The following ZFHX3 variants were observed in gnomAD, a reference collection of about 807,000 sequenced individuals.
ZFHX3 encodes zinc finger homeobox protein 3.
ZFHX3 carries 42 observed loss-of-function variants against 279.1 expected under a neutral mutation model. The ratio of observed to expected loss-of-function variants is 0.15; its 90% CI spans 0.12 to 0.19. The LOEUF is 0.19. Among genes scored for constraint, ZFHX3 ranks in the 10% least tolerant of loss-of-function variants. ZFHX3 has a pLI of 1.00. For synonymous variants in ZFHX3, 2,293 were observed against 1,957.8 expected (o/e 1.17, Z -4.52); for missense variants, 4,981 against 4,754.0 (o/e 1.05, Z -1.40).
Position 73,776,239 on chromosome 16 carries a change from CTA to C in ZFHX3, c.-1607-96001_-1607-96000del, listed in dbSNP as rs1287442184. Among the ~76,000 whole-genome samples the C allele has an allele frequency of 3.9e-5, 6 of 152,256 alleles. No individual in the cohort carries two copies. In the South Asian group the frequency reaches 1.2e-3, roughly 32 times the overall value. On this transcript the variant is annotated intron_variant, in intron 1 of 17. Transcript: ENST00000641206. ...AGGCGACTTTCTTTGCACAGCATGT[CTA>C]TGACTGAAGTGTGCAGGGCTAGGAG...
chr16:72,987,370 G>A (rs1257575147), intron 1 of ZFHX3, among the ~76,000 whole-genome samples: 1 of 152,160 alleles, frequency 6.6e-6, no homozygotes, highest in Non-Finnish European at 1.5e-5. Context: ...AAGATGATGT[G>A]GAGGCTGCTT....
chr16:73,026,290 T>A (rs1215340436), intron 1 of ZFHX3, among the ~76,000 whole-genome samples: 1 of 147,866 alleles, frequency 6.8e-6, no homozygotes, highest in Non-Finnish European at 1.5e-5. Flanking sequence ...GGAGAACTGC[T>A]TGAACCCAGG....
At chr16:73,522,633 C>A (rs983078397) in intron 2 of ZFHX3, among the ~76,000 whole-genome samples, 2 of 152,160 alleles carry the variant, frequency 1.3e-5, no homozygotes, top group African/African-American at 4.8e-5. Context: ...GCAAGAGGGC[C>A]TAGGGATCCT....
At chr16:72,867,733 A>C (rs1344409141) in intron 4 of ZFHX3, among the ~76,000 whole-genome samples, 1 of 125,140 alleles carries the variant, frequency 8.0e-6, no homozygotes, top group South Asian at 2.8e-4. Flanking sequence ...GAAAAAAAAA[A>C]AAAGAAGAAG....
intron 5 of ZFHX3, among the ~76,000 whole-genome samples, chr16:73,218,504 C>T (rs78573893): frequency 0.16 from 24,282 of 152,216 alleles, 2,041 homozygotes; most frequent in African/African-American, 0.21. Context: ...TGTGGTGGCT[C>T]ATGCCTGTAA....
intron 1 of ZFHX3, among the ~76,000 whole-genome samples, chr16:73,010,540 G>A (rs548706867): frequency 3.3e-5 from 5 of 152,128 alleles, no homozygotes; most frequent in African/African-American, 4.8e-5. Flanking sequence ...CAGAGAGCCC[G>A]GCACACAGCC....
At chr16:73,076,835 C>T (rs1156525136) in intron 8 of ZFHX3, among the ~76,000 whole-genome samples, 3 of 152,012 alleles carry the variant, frequency 2.0e-5, no homozygotes, top group Non-Finnish European at 4.4e-5. Flanking sequence ...AATGGCTGTG[C>T]GCAGCGGCAT....
At position 73,066,312 on chromosome 16, in the gene ZFHX3, C is replaced by G. The variant is rs566637835; in HGVS notation, c.-532-7300G>C. ...GCAGGCCCCTTCCCTCCCCGCCTCTCGTTCCCAAAACCTTATCATTGAGAA... is the reference window on the plus strand; with the variant it reads ...GCAGGCCCCTTCCCTCCCCGCCTCTGGTTCCCAAAACCTTATCATTGAGAA... On this transcript the variant is annotated intron_variant, in intron 8 of 17. Transcript: ENST00000641206. Among the ~76,000 whole-genome samples, 23 of 152,300 alleles carry G rather than the reference C, an allele frequency of 1.5e-4. No homozygotes were observed. In the South Asian group the frequency reaches 4.4e-3, roughly 29 times the overall value.
At chr16:72,829,744 C>G in intron 5 of ZFHX3, 35 bp downstream of exon 5, 1 of 1,606,698 alleles carries the variant, frequency 6.2e-7, no homozygotes, top group Non-Finnish European at 8.5e-7. Flanking sequence ...GACAGCCACA[C>G]ACACTACCTG....
At chr16:72,874,086 A>G (rs1360186620) in intron 4 of ZFHX3, among the ~76,000 whole-genome samples, 1 of 152,176 alleles carries the variant, frequency 6.6e-6, no homozygotes, top group African/African-American at 2.4e-5. Flanking sequence ...TGTAAGATAA[A>G]GCAAGTGGGC....
intron 1 of ZFHX3, among the ~76,000 whole-genome samples, chr16:73,682,852 GAGAAAGAA>G (rs568576216): frequency 0.011 from 859 of 80,080 alleles, 30 homozygotes; most frequent in Non-Finnish European, 0.015. Context: ...AAAAAAGAAA[GAGAAAGAA>G]AGAAAGAAAG....
intron 5 of ZFHX3, among the ~76,000 whole-genome samples, chr16:73,177,519 G>A (rs1381335216): frequency 6.6e-6 from 1 of 152,154 alleles, no homozygotes; most frequent in East Asian, 1.9e-4. Flanking sequence ...CAAGAACATA[G>A]GTATCCCTAC....
At chr16:73,763,686 T>C (rs1170322924) in intron 1 of ZFHX3, among the ~76,000 whole-genome samples, 1 of 152,088 alleles carries the variant, frequency 6.6e-6, no homozygotes, top group Non-Finnish European at 1.5e-5. Flanking sequence ...TAACAGAATA[T>C]AGCAATGGTG....
At chr16:73,482,085 T>G (rs2018879632) in intron 2 of ZFHX3, among the ~76,000 whole-genome samples, 1 of 151,778 alleles carries the variant, frequency 6.6e-6, no homozygotes, top group South Asian at 2.1e-4. Context: ...CTTAGAGCTG[T>G]GAGAGCCACT....
At chr16:73,850,248 G>A (rs143538231) in intron 1 of ZFHX3, among the ~76,000 whole-genome samples, 37 of 152,270 alleles carry the variant, frequency 2.4e-4, no homozygotes, top group African/African-American at 8.4e-4. Flanking sequence ...ACATGCTGTT[G>A]GGCAGGTTGG....
intron 1 of ZFHX3, among the ~76,000 whole-genome samples, chr16:73,804,924 G>C (rs1328075981): frequency 7.4e-6 from 1 of 134,780 alleles, no homozygotes; most frequent in Non-Finnish European, 1.6e-5. Context: ...GGGAGGGAGA[G>C]GGAGGGAGGG....
At position 73,837,785 on chromosome 16, in the gene ZFHX3, C is replaced by T. The variant is rs527806599; in HGVS notation, c.-1608+53866G>A. Among the ~76,000 whole-genome samples, 7 of 152,262 alleles carry T rather than the reference C, an allele frequency of 4.6e-5. No homozygotes were observed. The East Asian group carries it at 9.7e-4, about 21-fold the overall frequency. On this transcript the variant is annotated intron_variant, in intron 1 of 17. Transcript: ENST00000641206. ...ATGAGTAGCTGGGATTACAGGCATG[C>T]GCCACCACGCCCGGCTAATTTGGTA...
At chr16:73,819,707 G>A (rs1188216823) in intron 1 of ZFHX3, among the ~76,000 whole-genome samples, 5 of 152,134 alleles carry the variant, frequency 3.3e-5, no homozygotes, top group African/African-American at 4.8e-5. Flanking sequence ...AGTAGGATGG[G>A]GGAAAGCAGT....
intron 2 of ZFHX3, among the ~76,000 whole-genome samples, chr16:73,576,494 G>C (rs1159926921): frequency 1.3e-5 from 2 of 152,118 alleles, no homozygotes; most frequent in African/African-American, 4.8e-5. Flanking sequence ...CAAGTATGTG[G>C]ACAGATAATT....
Sources: gnomAD v4.1 joint callset for allele counts (sites outside exome capture counted in the v4.1 genomes callset) on GRCh38, gnomAD v4.1.1 for gene constraint, MANE v1.5 for transcripts, NCBI Gene and HGNC (gene_info 2026-07-23, HGNC 2026-07-21) for gene names.